The following IL5 variants were observed in gnomAD, a reference collection of about 807,000 sequenced individuals.
IL5 encodes the protein interleukin-5.
A neutral mutation model predicts 16.3 loss-of-function variants in IL5; 12 were observed. The ratio of observed to expected loss-of-function variants is 0.74; its 90% CI spans 0.47 to 1.20. IL5 has a LOEUF of 1.20. Ranked by LOEUF, IL5 falls within the 50% of genes most tolerant of loss-of-function variation. The pLI is 0.00. For synonymous variants in IL5, 54 were observed against 56.6 expected, an observed-to-expected ratio of 0.95 and a Z score of 0.21; for missense variants, 159 against 153.9, an observed-to-expected ratio of 1.03 and a Z score of -0.17.
In IL5 at chr5:132,541,855, C is replaced by T. The variant is rs1749697374; in HGVS notation, c.361G>A (p.Glu121Lys). ...RVNQFLDYLQEFLGVMNTEWI... is the reference protein window; with the variant it reads ...RVNQFLDYLQKFLGVMNTEWI... ...TCGGTGTTCATTACACCAAGAAACTCTTGCAGGTAGTCTAGGAATTGGTTT... is the reference window on the plus strand; with the variant it reads ...TCGGTGTTCATTACACCAAGAAACTTTTGCAGGTAGTCTAGGAATTGGTTT... Residue 121 changes from glutamate (E) to lysine (K), a missense_variant, in exon 4 of 4, where the codon GAG becomes AAG. Transcript: ENST00000231454. 1 of 1,613,850 alleles carries T rather than the reference C, an allele frequency of 6.2e-7. No homozygotes were observed. Among genetic ancestry groups the T allele is most frequent in the Admixed American group, 1.7e-5 (1 of 59,996 alleles).
intron 1 of IL5, among the ~76,000 whole-genome samples, chr5:132,551,059 G>T (rs576406311): frequency 9.1e-4 from 138 of 152,226 alleles, no homozygotes; most frequent in African/African-American, 3.2e-3. Context: ...ATTTAAGAGT[G>T]CCCAGTAAAA....
Position 132,542,962 on chromosome 5 carries a change from C to T in IL5, c.177+132G>A. Reference sequence around the variant, plus strand: ...CATTCCTCATATTTATAAGTACAGACATTCACAGCCACCCATATGAAAACA... The same window carrying T: ...CATTCCTCATATTTATAAGTACAGATATTCACAGCCACCCATATGAAAACA... On this transcript the variant is annotated intron_variant, in intron 2 of 3. Coordinates refer to ENST00000231454, the MANE Select transcript of IL5 (RefSeq NM_000879.3). 3 of 673,748 alleles carry T rather than the reference C, an allele frequency of 4.5e-6. No individual in the cohort carries two copies. In the South Asian group the frequency reaches 5.0e-5, roughly 11 times the overall value. 41.7% of individuals were successfully genotyped at this position (673,748 alleles called of 1,614,324 possible).
chr5:132,554,672 T>C (rs1749943165), intron 1 of IL5, among the ~76,000 whole-genome samples: 1 of 152,164 alleles, frequency 6.6e-6, no homozygotes, highest in African/African-American at 2.4e-5. Flanking sequence ...TACTGTATGA[T>C]CTAATAATTC....
At chr5:132,548,550 C>A (rs1014933593) in intron 1 of IL5, among the ~76,000 whole-genome samples, 1 of 152,164 alleles carries the variant, frequency 6.6e-6, no homozygotes, top group Non-Finnish European at 1.5e-5. Context: ...CGCTTCCCAG[C>A]CAAAGCCATT....
rs114279461 is a variant in IL5, at chr5:132,548,608, C to T, written c.43-5482G>A. On this transcript the variant is annotated intron_variant, in intron 1 of 2. Coordinates refer to the IL5 transcript ENST00000450655. ...CTCTCACATCCCAAAGATGTGCACG[C>T]GAGGTGAATTGGCATGTCTACACAG... 4.3e-3 allele frequency among the ~76,000 whole-genome samples: 652 copies of T among 152,184 alleles called. 9 individuals are homozygous for T. Among genetic ancestry groups the T allele is most frequent in the African/African-American group, 0.015 (625 of 41,510 alleles).
rs1009595663 is a variant in IL5, at chr5:132,543,218, T to G, written c.145-92A>C. Reference sequence around the variant, plus strand: ...TTGCTGGTGATGTAGTTATCACCCATGTACTAATGTGCTCAGAATCTTATT... The same window carrying G: ...TTGCTGGTGATGTAGTTATCACCCAGGTACTAATGTGCTCAGAATCTTATT... On this transcript the variant is annotated intron_variant, in intron 1 of 3. Transcript: ENST00000231454. 5.1e-6 allele frequency: 7 copies of G among 1,379,284 alleles called. No homozygotes were observed. In the Admixed American group the frequency reaches 1.3e-4, roughly 25 times the overall value. 85.4% of individuals were successfully genotyped at this position (1,379,284 alleles called of 1,614,324 possible).
At chr5:132,543,313 T>C (rs1749729723) in intron 1 of IL5, 22 bp downstream of exon 1, 1 of 1,604,796 alleles carries the variant, frequency 6.2e-7, no homozygotes, top group African/African-American at 1.3e-5. Flanking sequence ...TTACAGACTG[T>C]AGGAATCATA....
chr5:132,556,673 C>A lies in IL5; in HGVS notation c.42+1G>T. ...GGAAAATAGTTTTGACACGAACTGA[C>A]CCCGCTTCCTGGGTCTCCAATCCAC... is the stretch of plus-strand genomic sequence containing the variant. On this transcript the variant is annotated splice_donor_variant, in intron 1 of 2. Coordinates refer to the IL5 transcript ENST00000450655. LOFTEE classifies it high-confidence loss of function. 8.0e-7 allele frequency: 1 copy of A among 1,256,354 alleles called. No individual in the cohort carries two copies. The highest frequency in any genetic ancestry group is 1.0e-6 in the Non-Finnish European group (1 of 967,594). 77.8% of individuals were successfully genotyped at this position (1,256,354 alleles called of 1,614,324 possible).
intron 1 of IL5, among the ~76,000 whole-genome samples, chr5:132,552,249 C>G (rs1041646515): frequency 3.3e-5 from 5 of 152,056 alleles, no homozygotes; most frequent in Non-Finnish European, 7.4e-5. Context: ...AGCCTGGCAA[C>G]AGAGCGAGAC....
chr5:132,554,492 G>C (rs944427371), intron 1 of IL5, among the ~76,000 whole-genome samples: 1 of 151,796 alleles, frequency 6.6e-6, no homozygotes, highest in African/African-American at 2.4e-5. Flanking sequence ...ATTACAATGA[G>C]GTATCACTTC....
At chr5:132,543,157 ACAGCACAC>A (rs766944689) in intron 1 of IL5, 31 bp from the exon 2 acceptor site, 1 of 1,592,912 alleles carries the variant, frequency 6.3e-7, no homozygotes, top group Non-Finnish European at 8.6e-7. Flanking sequence ...AATCATTTTT[ACAGCACAC>A]CAGCATTCAT....
chr5:132,544,301 A>T (rs922665452), upstream of IL5, among the ~76,000 whole-genome samples: 1 of 152,206 alleles, frequency 6.6e-6, no homozygotes, highest in African/African-American at 2.4e-5. Flanking sequence ...TTTCAAATTC[A>T]GTCTCTTTCT....
At chr5:132,551,124 G>A (rs927340327) in intron 1 of IL5, among the ~76,000 whole-genome samples, 2 of 152,070 alleles carry the variant, frequency 1.3e-5, no homozygotes, top group African/African-American at 4.8e-5. Context: ...AAGGAATAAA[G>A]AAAGCTTGGA....
In IL5 at chr5:132,543,379, A is replaced by G. The variant is rs762568489; in HGVS notation, c.100T>C (p.Leu34=). The G allele has an allele frequency of 6.2e-7, 1 of 1,614,238 alleles. No individual in the cohort carries two copies. Among genetic ancestry groups the G allele is most frequent in the Admixed American group, 1.7e-5 (1 of 60,034 alleles). Reference sequence around the variant, plus strand: ...GTTCGATGAGTAGAAAGCAGTGCCAAGGTCTCTTTCACCAATGCACTTGTG... The same window carrying G: ...GTTCGATGAGTAGAAAGCAGTGCCAGGGTCTCTTTCACCAATGCACTTGTG... ...IPTSALVKET[L]ALLSTHRTLL... The change falls in exon 1 of 4, where the codon TTG becomes CTG. Residue 34 remains leucine, a synonymous_variant. Transcript: ENST00000231454.
chr5:132,551,045 A>G lies in IL5; in HGVS notation c.42+5629T>C, dbSNP rs553325772. Among the ~76,000 whole-genome samples, 5 of 152,356 alleles carry G rather than the reference A, an allele frequency of 3.3e-5. No homozygotes were observed. In the South Asian group the frequency reaches 1.0e-3, roughly 32 times the overall value. ...CTCTGGACTTCAAAATAGTAATGTG[A>G]AAAATTTAAGAGTGCCCAGTAAAAG... On this transcript the variant is annotated intron_variant, in intron 1 of 2. Transcript: ENST00000450655.
chr5:132,545,272 T>C (rs535429782), upstream of IL5, among the ~76,000 whole-genome samples: 3 of 152,278 alleles, frequency 2.0e-5, no homozygotes, highest in South Asian at 6.2e-4. Flanking sequence ...ACTGAGGAAG[T>C]TAGGGCTTAG....
chr5:132,550,030 T>C (rs1749859393), intron 1 of IL5, among the ~76,000 whole-genome samples: 2 of 144,806 alleles, frequency 1.4e-5, no homozygotes, highest in Non-Finnish European at 3.1e-5. Flanking sequence ...AGTTTGTATT[T>C]ATCTTTTTTA....
chr5:132,545,672 G>A (rs1749771605), upstream of IL5, among the ~76,000 whole-genome samples: 1 of 152,156 alleles, frequency 6.6e-6, no homozygotes, highest in Non-Finnish European at 1.5e-5. Flanking sequence ...CTGTCTAAAG[G>A]TGGCAGGTGC....
At chr5:132,552,899 T>A (rs1158501131) in intron 1 of IL5, among the ~76,000 whole-genome samples, 1 of 152,160 alleles carries the variant, frequency 6.6e-6, no homozygotes, top group Non-Finnish European at 1.5e-5. Flanking sequence ...CAGGCCCGGC[T>A]AATTTTTTGC....
Sources: allele counts gnomAD v4.1 joint callset (sites outside exome capture counted in the v4.1 genomes callset), GRCh38; gene constraint gnomAD v4.1.1; transcripts MANE v1.5; gene names NCBI Gene and HGNC (gene_info 2026-07-23, HGNC 2026-07-21).